The following VEPH1 variants were observed in gnomAD, a reference collection of about 807,000 sequenced individuals.
VEPH1 encodes ventricular zone-expressed PH domain-containing protein homolog 1.
A neutral mutation model predicts 85.2 loss-of-function variants in VEPH1; 80 were observed. The ratio of observed to expected loss-of-function variants is 0.94; its 90% CI spans 0.78 to 1.13. The LOEUF is 1.13. Ranked by LOEUF, VEPH1 falls within the 50% of genes most tolerant of loss-of-function variation. VEPH1 has a pLI of 0.00. For synonymous variants in VEPH1, 297 were observed against 348.0 expected, an observed-to-expected ratio of 0.85 and a Z score of 1.63; for missense variants, 955 against 980.5, an observed-to-expected ratio of 0.97 and a Z score of 0.35.
intron 10 of VEPH1, among the ~76,000 whole-genome samples, chr3:157,314,417 A>T (rs1461489418): frequency 6.6e-6 from 1 of 150,496 alleles, no homozygotes; most frequent in Non-Finnish European, 1.5e-5. Context: ...ATTTTTTAAC[A>T]GAAATTTAAA....
intron 2 of VEPH1, chr3:157,493,330 A>T: frequency 2.2e-6 from 1 of 455,622 alleles, no homozygotes; most frequent in Non-Finnish European, 4.4e-6. Flanking sequence ...GATTACTGAG[A>T]TCCAAGGTCA....
chr3:157,319,326 A>T (rs1721125429), intron 9 of VEPH1, among the ~76,000 whole-genome samples: 1 of 152,238 alleles, frequency 6.6e-6, no homozygotes, highest in Non-Finnish European at 1.5e-5. Flanking sequence ...AGATGTAAAG[A>T]GTGCTTGAAG....
At chr3:157,412,517 G>T (rs532631138) in intron 6 of VEPH1, among the ~76,000 whole-genome samples, 2 of 152,274 alleles carry the variant, frequency 1.3e-5, no homozygotes, top group Admixed American at 1.3e-4. Flanking sequence ...GCAAAGATCT[G>T]CAAGGTCAGC....
intron 9 of VEPH1, among the ~76,000 whole-genome samples, chr3:157,325,497 A>G (rs1013772536): frequency 1.2e-4 from 18 of 152,082 alleles, no homozygotes; most frequent in Non-Finnish European, 2.2e-4. Flanking sequence ...TCTTTAATCC[A>G]TCTTGAGTTG....
intron 6 of VEPH1, among the ~76,000 whole-genome samples, chr3:157,384,427 T>G (rs1024547115): frequency 6.6e-5 from 10 of 152,234 alleles, no homozygotes; most frequent in Non-Finnish European, 7.3e-5. Flanking sequence ...AAGTAGATTT[T>G]TCATTAGAAT....
At chr3:157,409,385 T>C (rs1731368347) in intron 6 of VEPH1, among the ~76,000 whole-genome samples, 1 of 152,154 alleles carries the variant, frequency 6.6e-6, no homozygotes, top group South Asian at 2.1e-4. Context: ...AGATCTTTAC[T>C]GAAAGGTGCA....
At chr3:157,404,435 G>A (rs980855029) in intron 6 of VEPH1, among the ~76,000 whole-genome samples, 3 of 152,152 alleles carry the variant, frequency 2.0e-5, no homozygotes, top group Admixed American at 1.3e-4. Flanking sequence ...AATGGCTTGG[G>A]AAAGTCCTAG....
intron 12 of VEPH1, among the ~76,000 whole-genome samples, chr3:157,281,101 T>TGTGTGTGAGAGA (rs371002819): frequency 4.4e-4 from 65 of 148,740 alleles, no homozygotes; most frequent in African/African-American, 1.2e-3. Flanking sequence ...TGTGTGTGTG[T>TGTGTGTGAGAGA]GAGAGAGAGA....
intron 6 of VEPH1, among the ~76,000 whole-genome samples, chr3:157,395,392 AG>A (rs1436258266): frequency 6.6e-6 from 1 of 152,234 alleles, no homozygotes; most frequent in Admixed American, 6.5e-5. Context: ...GCTGGCAGAC[AG>A]GGCAGTCAGC....
chr3:157,335,123 C>T (rs1722842098), intron 9 of VEPH1, among the ~76,000 whole-genome samples: 1 of 152,076 alleles, frequency 6.6e-6, no homozygotes, highest in African/African-American at 2.4e-5. Context: ...CTCCAAAAAG[C>T]TGCTGTCAAA....
chr3:157,376,495 C>A (rs763415023), intron 7 of VEPH1, among the ~76,000 whole-genome samples: 1 of 152,212 alleles, frequency 6.6e-6, no homozygotes, highest in Non-Finnish European at 1.5e-5. Context: ...AACCTGACAC[C>A]TTCTCCTTTG....
chr3:157,387,457 T>C (rs112653529), intron 6 of VEPH1, among the ~76,000 whole-genome samples: 2,159 of 152,308 alleles, frequency 0.014, 39 homozygotes, highest in South Asian at 0.02. Context: ...TTCACTAAAG[T>C]TGCACAGGTA....
At chr3:157,345,920 A>G (rs1167906712) in intron 9 of VEPH1, among the ~76,000 whole-genome samples, 1 of 152,116 alleles carries the variant, frequency 6.6e-6, no homozygotes, top group Non-Finnish European at 1.5e-5. Context: ...CTCAGCAACT[A>G]TCCCAAGGAC....
intron 11 of VEPH1, among the ~76,000 whole-genome samples, chr3:157,295,330 G>A (rs1014298899): frequency 2.6e-5 from 4 of 152,076 alleles, no homozygotes; most frequent in African/African-American, 9.7e-5. Flanking sequence ...TACCCAGGAG[G>A]CTGAGGTAGA....
Position 157,451,050 on chromosome 3 carries a change from C to T in VEPH1, c.529+9131G>A, listed in dbSNP as rs552975665. 5.5e-4 allele frequency among the ~76,000 whole-genome samples: 84 copies of T among 152,230 alleles called. 1 individual carries two copies. In the Middle Eastern group the frequency reaches 0.014, roughly 25 times the overall value. On this transcript the variant is annotated intron_variant, in intron 4 of 13. Coordinates refer to ENST00000362010, the MANE Select transcript of VEPH1 (RefSeq NM_001167912.2). The stretch of plus-strand genomic sequence containing the variant: ...TTTTTATTTCTCATACTGTCCTTGT[C>T]TGGTATTGATATCATGGTATTGATA...
intron 6 of VEPH1, among the ~76,000 whole-genome samples, chr3:157,381,879 C>G (rs191195754): frequency 1.4e-4 from 21 of 152,190 alleles, no homozygotes; most frequent in African/African-American, 5.1e-4. Context: ...TAATTTATTC[C>G]TGATTTCCAG....
chr3:157,350,734 A>G (rs1724772087), intron 9 of VEPH1, among the ~76,000 whole-genome samples: 1 of 152,248 alleles, frequency 6.6e-6, no homozygotes, highest in Admixed American at 6.5e-5. Context: ...ATTTCTCAAA[A>G]GAAGACATAC....
At chr3:157,359,753 T>A (rs1725835700) in intron 9 of VEPH1, among the ~76,000 whole-genome samples, 1 of 152,232 alleles carries the variant, frequency 6.6e-6, no homozygotes, top group Non-Finnish European at 1.5e-5. Context: ...TGAAGTATTA[T>A]GTGGAACCAT....
chr3:157,367,812 TACAG>T (rs1356165646), intron 7 of VEPH1, among the ~76,000 whole-genome samples: 1 of 152,158 alleles, frequency 6.6e-6, no homozygotes, highest in African/African-American at 2.4e-5. Context: ...TGCCTGACTA[TACAG>T]ATTTTTAAAC....
Sources: gnomAD v4.1 joint callset for allele counts (sites outside exome capture counted in the v4.1 genomes callset) on GRCh38, gnomAD v4.1.1 for gene constraint, MANE v1.5 for transcripts, NCBI Gene and HGNC (gene_info 2026-07-23, HGNC 2026-07-21) for gene names.